RACGAP1: variants seen among roughly 807,000 people sequenced by gnomAD.
RACGAP1 encodes rac GTPase-activating protein 1.
RACGAP1 carries 30 observed loss-of-function variants against 78.1 expected under a neutral mutation model. The ratio of observed to expected loss-of-function variants is 0.38; its 90% CI spans 0.29 to 0.52. RACGAP1 has a LOEUF of 0.52. Ranked by LOEUF, RACGAP1 falls within the 20% of genes least tolerant of loss-of-function variation. The probability of loss-of-function intolerance (pLI) is 0.82; values close to 1 mark genes in which losing one functional copy is unlikely to be tolerated. For synonymous variants in RACGAP1, 231 were observed against 264.8 expected (o/e 0.87, Z 1.24); for missense variants, 587 against 777.1 (o/e 0.76, Z 2.91).
chr12:50,002,560 C>CA, intron 5 of RACGAP1: 1 of 320,800 alleles, frequency 3.1e-6, no homozygotes, highest in Non-Finnish European at 5.7e-6. Context: ...GTTAAAGAAT[C>CA]AAATTCTGCC....
chr12:50,009,579 T>C (rs1435375465), intron 2 of RACGAP1, among the ~76,000 whole-genome samples: 1 of 152,194 alleles, frequency 6.6e-6, no homozygotes, highest in East Asian at 1.9e-4. Flanking sequence ...CTTTGCTCTT[T>C]TATCTCCAGT....
At chr12:50,023,841 A>G (rs898924135) in intron 1 of RACGAP1, among the ~76,000 whole-genome samples, 1 of 152,216 alleles carries the variant, frequency 6.6e-6, no homozygotes, top group Non-Finnish European at 1.5e-5. Context: ...CAATCCAGCA[A>G]TCCCACTAAT....
intron 15 of RACGAP1, 37 bp downstream of exon 15, chr12:49,991,961 G>A (rs1447524250): frequency 6.8e-6 from 11 of 1,607,846 alleles, no homozygotes; most frequent in African/African-American, 1.3e-5. Context: ...ACTAAAGAGA[G>A]AGTCAAGTCC....
At position 49,999,197 on chromosome 12, in the gene RACGAP1, C is replaced by T. The variant is rs1241051530; in HGVS notation, c.823G>A (p.Val275Met). Reference protein sequence around the residue: ...QLEPRTETDSVGTPQSNGGMR... With the variant: ...QLEPRTETDSMGTPQSNGGMR... ...CCTCCATTACTCTGTGGCGTGCCCA[C>T]ACTGTCTGTCTCAGTTCTTGGCTCC... is the stretch of plus-strand genomic sequence containing the variant. The change falls in exon 9 of 17, where the codon GTG becomes ATG. Residue 275 changes from valine (V) to methionine (M), a missense_variant. By Grantham distance (21) the Val-to-Met change is conservative (BLOSUM62 1). Transcript: ENST00000312377. 1 of 1,614,120 alleles carries T rather than the reference C, an allele frequency of 6.2e-7. No homozygotes were observed. Among genetic ancestry groups the T allele is most frequent in the South Asian group, 1.1e-5 (1 of 91,076 alleles).
chr12:49,991,701 A>G (rs1312435288), intron 15 of RACGAP1, among the ~76,000 whole-genome samples: 2 of 150,860 alleles, frequency 1.3e-5, no homozygotes, highest in African/African-American at 4.9e-5. Context: ...GTTGGCCAGA[A>G]TGGTCTCAAT....
chr12:49,997,271 A>T, intron 9 of RACGAP1, 67 bp from the exon 10 acceptor site: 4 of 1,319,124 alleles, frequency 3.0e-6, no homozygotes, highest in East Asian at 3.0e-5. Context: ...TAATCAACTA[A>T]CTTTTTTTTT....
intron 9 of RACGAP1, among the ~76,000 whole-genome samples, chr12:49,998,856 C>A (rs905881649): frequency 2.0e-4 from 30 of 152,076 alleles, no homozygotes; most frequent in African/African-American, 6.8e-4. Context: ...TATGATTACA[C>A]CCCTGCACTC....
chr12:50,018,328 C>T (rs973235482), intron 1 of RACGAP1, among the ~76,000 whole-genome samples: 6 of 152,110 alleles, frequency 3.9e-5, no homozygotes, highest in African/African-American at 1.4e-4. Flanking sequence ...GATTTTCAAA[C>T]GGCAAGTATC....
intron 1 of RACGAP1, chr12:50,018,655 G>T: frequency 1.1e-6 from 1 of 895,926 alleles, no homozygotes; most frequent in Non-Finnish European, 1.6e-6. Context: ...TATCATCTCG[G>T]CATTCACTTA....
intron 12 of RACGAP1, among the ~76,000 whole-genome samples, chr12:49,992,993 G>A (rs1947997863): frequency 6.6e-6 from 1 of 152,180 alleles, no homozygotes; most frequent in South Asian, 2.1e-4. Context: ...CCAGGTACAA[G>A]TGCTGAGGAT....
At chr12:49,990,516 A>G (rs1947765221) in intron 16 of RACGAP1, among the ~76,000 whole-genome samples, 168 bp downstream of exon 16, 1 of 152,246 alleles carries the variant, frequency 6.6e-6, no homozygotes, top group Non-Finnish European at 1.5e-5. Context: ...AATAGTAAAG[A>G]CTTTCAGAAC....
intron 16 of RACGAP1, 127 bp downstream of exon 16, chr12:49,990,557 C>T (rs1289788196): frequency 7.2e-6 from 6 of 829,900 alleles, no homozygotes; most frequent in Admixed American, 2.6e-5. Flanking sequence ...TATAGCCCCA[C>T]GTTCCCTTTT....
intron 1 of RACGAP1, among the ~76,000 whole-genome samples, chr12:50,021,851 G>A (rs1473442701): frequency 6.6e-6 from 1 of 152,112 alleles, no homozygotes; most frequent in Non-Finnish European, 1.5e-5. Flanking sequence ...CCTTTCATAG[G>A]AACACATTTG....
chr12:50,016,799 T>A, intron 1 of RACGAP1, 80 bp from the exon 2 acceptor site: 1 of 1,485,894 alleles, frequency 6.7e-7, no homozygotes, highest in Admixed American at 1.9e-5. Flanking sequence ...CAGCCATTAG[T>A]GACCAACATC....
At chr12:50,003,115 T>A (rs939716803) in intron 5 of RACGAP1, among the ~76,000 whole-genome samples, 4 of 152,058 alleles carry the variant, frequency 2.6e-5, no homozygotes, top group African/African-American at 9.7e-5. Context: ...TTTATTGTGG[T>A]CTCATTTCAA....
Position 49,992,475 on chromosome 12 carries a change from A to C in RACGAP1, c.1445+75T>G, listed in dbSNP as rs1592128420. 1.9e-6 allele frequency: 3 copies of C among 1,587,966 alleles called. No individual in the cohort carries two copies. The East Asian group carries it at 6.7e-5, about 36-fold the overall frequency. On this transcript the variant is annotated intron_variant, in intron 13 of 16. Transcript: ENST00000312377. ...AAAACAATTCATCCCTCATACTCCC[A>C]AACACTCAACCCACATTATCTTCCC...
chr12:49,994,120 T>C lies in RACGAP1; in HGVS notation c.1339+11A>G, dbSNP rs1283207925. On this transcript the variant is annotated intron_variant, in intron 12 of 16. Coordinates refer to ENST00000312377, the MANE Select transcript of RACGAP1 (RefSeq NM_001319999.2). Reference sequence around the variant, plus strand: ...GAGGAATTCATATTCAAGTATTACATCTGCCCTTACCTGCTGCTTCCATAA... The same window carrying C: ...GAGGAATTCATATTCAAGTATTACACCTGCCCTTACCTGCTGCTTCCATAA... 6.2e-6 allele frequency: 10 copies of C among 1,602,234 alleles called. No homozygotes were observed. The highest frequency in any genetic ancestry group is 8.5e-6 in the Non-Finnish European group (10 of 1,171,114).
At chr12:50,025,593 T>C (rs766487898), upstream of RACGAP1, 2 of 962,512 alleles carry the variant, frequency 2.1e-6, no homozygotes, top group East Asian at 2.3e-4. Context: ...GGAACGGGAA[T>C]GAGCATGCGC....
chr12:49,997,006 G>C, intron 10 of RACGAP1, 34 bp downstream of exon 10: 1 of 1,437,424 alleles, frequency 7.0e-7, no homozygotes, highest in South Asian at 1.6e-5. Flanking sequence ...GAATAAAGAG[G>C]CCATAAAACA....
Sources: gnomAD v4.1 joint callset for allele counts (sites outside exome capture counted in the v4.1 genomes callset) on GRCh38, gnomAD v4.1.1 for gene constraint, MANE v1.5 for transcripts, NCBI Gene and HGNC (gene_info 2026-07-23, HGNC 2026-07-21) for gene names.